FAT3: variants seen among roughly 807,000 people sequenced by gnomAD.
The protein encoded by FAT3 is FAT atypical cadherin 3, also known as protocadherin Fat 3.
Under a neutral mutation model 310.2 loss-of-function variants are expected in FAT3, and 95 were observed. That is an observed-to-expected ratio of 0.31 (90% confidence interval 0.26 to 0.36). The LOEUF is 0.36. Among genes scored for constraint, FAT3 ranks in the 10% least tolerant of loss-of-function variants. The pLI is 1.00. For missense variants in FAT3, 5,408 were observed against 5,715.6 expected (o/e 0.95, Z 1.74); for synonymous variants, 2,314 against 2,192.9 (o/e 1.06, Z -1.54).
intron 19 of FAT3, among the ~76,000 whole-genome samples, chr11:92,847,590 C>T (rs980816456): frequency 1.3e-5 from 2 of 152,172 alleles, no homozygotes; most frequent in Non-Finnish European, 2.9e-5. Context: ...ATGGGGCTTA[C>T]TAAATGCCCA....
At chr11:92,418,643 G>A (rs2134967082) in intron 2 of FAT3, among the ~76,000 whole-genome samples, 1 of 152,038 alleles carries the variant, frequency 6.6e-6, no homozygotes, top group Non-Finnish European at 1.5e-5. Flanking sequence ...CATCTGAACT[G>A]CATATTGGCC....
At position 92,524,855 on chromosome 11, in the gene FAT3, G is replaced by A. The variant is rs1266280409; in HGVS notation, c.3514G>A (p.Ala1172Thr). 1 of 1,613,834 alleles carries A rather than the reference G, an allele frequency of 6.2e-7. No individual in the cohort carries two copies. The highest frequency in any genetic ancestry group is 8.5e-7 in the Non-Finnish European group (1 of 1,179,820). ...GGACGTATCTGTCATTCAGATCCAG[G>A]CTGAAGATCCTGACTCCAGTTCCAA... Reference protein sequence around the residue: ...PKDVSVIQIQAEDPDSSSNEK... With the variant: ...PKDVSVIQIQTEDPDSSSNEK... Residue 1172 changes from alanine to threonine, a missense_variant, in exon 3 of 28, where the codon GCT (alanine) becomes ACT (threonine). Physicochemically the swap from Ala to Thr is moderately conservative, Grantham distance 58 (BLOSUM62 0). Around this residue, in one of 5 missense-constraint regions of FAT3, gnomAD observed 4,588 missense variants for 4,809.8 expected, o/e 0.95. Coordinates refer to ENST00000525166, the MANE Select transcript of FAT3 (RefSeq NM_001367949.2).
chr11:92,791,331 T>G (rs932076328), intron 8 of FAT3, among the ~76,000 whole-genome samples: 1 of 152,198 alleles, frequency 6.6e-6, no homozygotes, highest in Non-Finnish European at 1.5e-5. Flanking sequence ...CTGACCTAGA[T>G]TTCAACAATC....
rs1401701452 is a variant in FAT3 at position 92,799,945 on chromosome 11, C to G, written c.6932C>G (p.Ser2311Cys). Residue 2311 changes from serine to cysteine, a missense_variant, in exon 10 of 28, where the codon TCT becomes TGT. Physicochemically the swap from Ser to Cys is moderately radical, Grantham distance 112. Around this residue, in one of 5 missense-constraint regions of FAT3, gnomAD observed 4,588 missense variants for 4,809.8 expected, o/e 0.95. Transcript: ENST00000525166. ...LIGTPVLQVVSIDADSENNKM... is the reference protein window; with the variant it reads ...LIGTPVLQVVCIDADSENNKM... The stretch of plus-strand genomic sequence containing the variant: ...GGGACACCTGTTTTACAAGTTGTCT[C>G]TATTGATGCAGACTCAGAAAACAAT... 1 of 1,612,694 alleles carries G rather than the reference C, an allele frequency of 6.2e-7. No individual in the cohort carries two copies. The highest frequency in any genetic ancestry group is 8.5e-7 in the Non-Finnish European group (1 of 1,179,310).
chr11:92,855,577 C>T (rs1948952033), intron 19 of FAT3, among the ~76,000 whole-genome samples: 6 of 152,128 alleles, frequency 3.9e-5, no homozygotes, highest in Admixed American at 3.9e-4. Flanking sequence ...AACTAGTTTT[C>T]AAAAGTTTCT....
intron 4 of FAT3, among the ~76,000 whole-genome samples, chr11:92,708,333 T>C (rs538448096): frequency 6.6e-6 from 1 of 152,370 alleles, no homozygotes; most frequent in South Asian, 2.1e-4. Context: ...TGATCATCCC[T>C]TTACATTTAT....
rs367963416 is a variant in FAT3 at position 92,355,394 on chromosome 11, C to T, written c.3282C>T (p.Asp1094=). 863 of 1,607,850 alleles carry T rather than the reference C, an allele frequency of 5.4e-4. 2 individuals carry two copies. The highest frequency in any genetic ancestry group is 1.3e-3 in the South Asian group (116 of 90,796). ...DGSGLGRFSI[D]DESGVITAAD... ...GTGGTCTTGGAAGGTTCAGTATAGA[C>T]GACGAGAGTGGTAAGTGTAATATTT... Residue 1094 remains aspartate (D), a synonymous_variant, in exon 2 of 28, where the codon GAC becomes GAT. Transcript: ENST00000525166.
At chr11:92,594,303 C>T (rs1208740279) in intron 3 of FAT3, among the ~76,000 whole-genome samples, 1 of 152,108 alleles carries the variant, frequency 6.6e-6, no homozygotes, top group Non-Finnish European at 1.5e-5. Flanking sequence ...ATTATCTGGA[C>T]ATGCTGGTGG....
At chr11:92,451,992 G>A (rs989166998) in intron 2 of FAT3, among the ~76,000 whole-genome samples, 6 of 152,094 alleles carry the variant, frequency 3.9e-5, no homozygotes, top group African/African-American at 1.2e-4. Context: ...GATCCTTTAT[G>A]GCACTATTTT....
chr11:92,309,756 G>C (rs1947248303), intron 1 of FAT3, among the ~76,000 whole-genome samples: 1 of 152,140 alleles, frequency 6.6e-6, no homozygotes, highest in African/African-American at 2.4e-5. Context: ...AGCCCACTGA[G>C]AAATGTGCAT....
intron 7 of FAT3, among the ~76,000 whole-genome samples, chr11:92,789,205 G>A (rs574462165): frequency 2.6e-5 from 4 of 152,214 alleles, no homozygotes; most frequent in East Asian, 1.9e-4. Context: ...TGATGGGTGG[G>A]ATTTGCTTTA....
At chr11:92,815,242 A>G (rs901224755) in intron 13 of FAT3, among the ~76,000 whole-genome samples, 6 of 152,126 alleles carry the variant, frequency 3.9e-5, no homozygotes, top group African/African-American at 1.4e-4. Context: ...AAAAACAATA[A>G]GGGCCAAAAT....
At chr11:92,491,411 A>G (rs572260222) in intron 2 of FAT3, among the ~76,000 whole-genome samples, 5 of 152,054 alleles carry the variant, frequency 3.3e-5, no homozygotes, top group Non-Finnish European at 7.4e-5. Flanking sequence ...CAACATATTA[A>G]TAGTGCTCAG....
intron 2 of FAT3, among the ~76,000 whole-genome samples, chr11:92,480,553 T>C (rs1358732116): frequency 6.6e-6 from 1 of 152,196 alleles, no homozygotes; most frequent in Non-Finnish European, 1.5e-5. Flanking sequence ...ACTACCCTAG[T>C]GAGCTTACAT....
chr11:92,394,175 A>C (rs61603310), intron 2 of FAT3, among the ~76,000 whole-genome samples: 1,593 of 152,312 alleles, frequency 0.01, 30 homozygotes, highest in African/African-American at 0.037. Flanking sequence ...GATTATAAAA[A>C]TTAAAACTTT....
chr11:92,844,831 A>G, intron 19 of FAT3, 99 bp downstream of exon 19: 1 of 1,300,406 alleles, frequency 7.7e-7, no homozygotes, highest in South Asian at 1.6e-5. Flanking sequence ...TCGTTCAACT[A>G]AATATTAAAT....
chr11:92,657,138 T>A (rs1028057394), intron 3 of FAT3, among the ~76,000 whole-genome samples: 3 of 152,114 alleles, frequency 2.0e-5, no homozygotes, highest in East Asian at 3.9e-4. Context: ...TCAGATCTCT[T>A]TGTATAAAGC....
At chr11:92,293,080 A>AGAAGGAAG (rs1555002638) in intron 1 of FAT3, among the ~76,000 whole-genome samples, 1 of 76,602 alleles carries the variant, frequency 1.3e-5, no homozygotes, top group East Asian at 4.1e-4. Context: ...AAGGAAGGAA[A>AGAAGGAAG]GAAGGAAGGA....
intron 3 of FAT3, among the ~76,000 whole-genome samples, chr11:92,599,061 TAAG>T (rs1345633277): frequency 3.9e-5 from 6 of 152,204 alleles, no homozygotes; most frequent in Non-Finnish European, 2.9e-5. Context: ...GATCTGGGGA[TAAG>T]AACAGCTCTC....
Sources: gnomAD v4.1 joint callset for allele counts (sites outside exome capture counted in the v4.1 genomes callset) on GRCh38, gnomAD v4.1.1 for gene constraint, gnomAD v4.1.1 regional missense constraint, MANE v1.5 for transcripts, NCBI Gene and HGNC (gene_info 2026-07-23, HGNC 2026-07-21) for gene names.